The following RALGPS2 variants were observed in gnomAD, a reference collection of about 807,000 sequenced individuals.
RALGPS2 encodes the protein Ral GEF with PH domain and SH3 binding motif 2.
Under a neutral mutation model 86.8 loss-of-function variants are expected in RALGPS2, and 43 were observed. That is an observed-to-expected ratio of 0.50 (90% CI 0.39 to 0.64). The LOEUF (loss-of-function observed/expected upper bound fraction) is 0.64. Ranked by LOEUF, RALGPS2 falls within the 30% of genes least tolerant of loss-of-function variation. The pLI, the probability that RALGPS2 is intolerant of heterozygous loss-of-function variation, is 0.00. For missense variants in RALGPS2, 536 were observed against 694.6 expected, an observed-to-expected ratio of 0.77 and a Z score of 2.57; for synonymous variants, 243 against 231.3, an observed-to-expected ratio of 1.05 and a Z score of -0.46.
At chr1:178,782,349 C>T (rs72705198) in intron 2 of RALGPS2, among the ~76,000 whole-genome samples, 5,250 of 152,252 alleles carry the variant, frequency 0.034, 114 homozygotes, top group Non-Finnish European at 0.05. Flanking sequence ...TTCACTTCTG[C>T]TTCTAGCAGG....
intron 1 of RALGPS2, among the ~76,000 whole-genome samples, chr1:178,760,727 C>T (rs1465631236): frequency 6.6e-6 from 1 of 152,034 alleles, no homozygotes; most frequent in East Asian, 1.9e-4. Flanking sequence ...AGATTATTTC[C>T]TTAGCATTGA....
chr1:178,839,024 A>G (rs1656439182), intron 8 of RALGPS2, among the ~76,000 whole-genome samples: 1 of 152,226 alleles, frequency 6.6e-6, no homozygotes, highest in Non-Finnish European at 1.5e-5. Context: ...AAAAGACCAA[A>G]CCTGCGTCTG....
At chr1:178,739,542 T>G (rs568133883) in intron 1 of RALGPS2, among the ~76,000 whole-genome samples, 9 of 152,316 alleles carry the variant, frequency 5.9e-5, no homozygotes, top group South Asian at 2.1e-4. Flanking sequence ...GAACTAGGTG[T>G]TGTTGGCACG....
rs1358671526 is a variant in RALGPS2, at chr1:178,784,419, A to G, written c.59A>G (p.Lys20Arg). Residue 20 changes from lysine (K) to arginine (R), a missense_variant and splice_region_variant, in exon 3 of 20, where the codon AAA (lysine) becomes AGA (arginine). Around this residue, in one of 3 missense-constraint regions of RALGPS2, gnomAD observed 43 missense variants for 34.9 expected, o/e 1.23. Transcript: ENST00000367635. ...SVNIAATASE[K>R]SSSSESLSDK... is the part of the protein sequence containing the mutation. ...CTGCATTTTCTTTCACTTTAACAGA[A>G]AAGTAGCAGCTCTGAATCCTTAAGT... 6.3e-7 allele frequency: 1 copy of G among 1,594,840 alleles called. No homozygotes were observed. Among genetic ancestry groups the G allele is most frequent in the Non-Finnish European group, 8.6e-7 (1 of 1,167,820 alleles).
chr1:178,882,840 A>G (rs1159527305), intron 10 of RALGPS2, among the ~76,000 whole-genome samples: 1 of 152,182 alleles, frequency 6.6e-6, no homozygotes, highest in African/African-American at 2.4e-5. Context: ...TGCAAACAAC[A>G]TTTTTATTTG....
chr1:178,861,953 A>G (rs967330974), intron 8 of RALGPS2, among the ~76,000 whole-genome samples: 1 of 151,604 alleles, frequency 6.6e-6, no homozygotes, highest in Non-Finnish European at 1.5e-5. Flanking sequence ...GCTCACTGCA[A>G]CCTCCGCCCC....
At chr1:178,771,788 A>G (rs979555969) in intron 1 of RALGPS2, among the ~76,000 whole-genome samples, 8 of 152,182 alleles carry the variant, frequency 5.3e-5, no homozygotes, top group African/African-American at 1.7e-4. Flanking sequence ...AAAAAGGACT[A>G]TACCTTAAAT....
At chr1:178,881,828 G>T (rs762429101) in intron 10 of RALGPS2, among the ~76,000 whole-genome samples, 52 of 152,060 alleles carry the variant, frequency 3.4e-4, no homozygotes, top group Non-Finnish European at 6.5e-4. Context: ...AGCATTTTAA[G>T]ATGTCATTAA....
chr1:178,735,750 A>G (rs1650657057), intron 1 of RALGPS2, among the ~76,000 whole-genome samples: 1 of 151,756 alleles, frequency 6.6e-6, no homozygotes, highest in Admixed American at 6.6e-5. Flanking sequence ...AAAAAATGAA[A>G]CCATAAAAAA....
chr1:178,806,599 T>G (rs1018460056), intron 4 of RALGPS2, among the ~76,000 whole-genome samples: 27 of 152,286 alleles, frequency 1.8e-4, no homozygotes, highest in African/African-American at 5.8e-4. Context: ...CAAATTTCTC[T>G]TATATTTTTT....
At chr1:178,786,967 C>T (rs763294365) in intron 4 of RALGPS2, among the ~76,000 whole-genome samples, 5 of 151,964 alleles carry the variant, frequency 3.3e-5, no homozygotes, top group Non-Finnish European at 7.4e-5. Flanking sequence ...CAGTTCCCAT[C>T]ATTTCCACAA....
At chr1:178,868,126 T>C (rs1658533945) in intron 8 of RALGPS2, among the ~76,000 whole-genome samples, 1 of 152,024 alleles carries the variant, frequency 6.6e-6, no homozygotes, top group South Asian at 2.1e-4. Context: ...TAGCTTTTTA[T>C]GTTTTCATAC....
chr1:178,869,028 C>G (rs1558162245), intron 8 of RALGPS2: 1 of 151,932 alleles, frequency 6.6e-6, no homozygotes, highest in East Asian at 1.9e-4. Context: ...ATCCATAAAT[C>G]TATGTTACCT....
chr1:178,851,893 G>A (rs1024000769), intron 8 of RALGPS2, among the ~76,000 whole-genome samples: 2 of 152,144 alleles, frequency 1.3e-5, no homozygotes, highest in Non-Finnish European at 2.9e-5. Context: ...GTTGGGTGGA[G>A]GGGAGGAGGG....
chr1:178,791,097 G>A (rs1653929332), intron 4 of RALGPS2, among the ~76,000 whole-genome samples: 1 of 151,952 alleles, frequency 6.6e-6, no homozygotes, highest in Non-Finnish European at 1.5e-5. Flanking sequence ...TTATAAAACT[G>A]TTTAAAAGAT....
chr1:178,885,033 A>C (rs529605310), intron 11 of RALGPS2, 43 bp from the exon 12 acceptor site: 2 of 1,517,322 alleles, frequency 1.3e-6, no homozygotes, highest in East Asian at 2.3e-5. Flanking sequence ...GGGACTGAAA[A>C]ATAAAGTAAT....
chr1:178,794,161 G>T (rs1654084803), intron 4 of RALGPS2, among the ~76,000 whole-genome samples: 1 of 152,048 alleles, frequency 6.6e-6, no homozygotes, highest in Non-Finnish European at 1.5e-5. Context: ...CTGTTGCCCA[G>T]GCTGGGGAGC....
intron 12 of RALGPS2, 86 bp downstream of exon 12, chr1:178,885,297 T>G: frequency 7.7e-7 from 1 of 1,296,216 alleles, no homozygotes; most frequent in Admixed American, 2.7e-5. Flanking sequence ...TAGAAAATGG[T>G]ATCCTTGAAT....
rs551634791 is a variant in RALGPS2 at position 178,852,952 on chromosome 1, T to C, written c.607+19402T>C. 2.4e-5 allele frequency: 39 copies of C among 1,606,270 alleles called. No individual in the cohort carries two copies. The highest frequency in any genetic ancestry group is 1.2e-4 in the Admixed American group (7 of 58,438). ...TTCTCCGTCAATGTTTCCAAACCCT[T>C]TCTGTTAATAAGTGAAGAAACATGA... is the stretch of plus-strand genomic sequence containing the variant. On this transcript the variant is annotated intron_variant, in intron 8 of 19. Coordinates refer to ENST00000367635, the MANE Select transcript of RALGPS2 (RefSeq NM_152663.5).
Sources: allele counts gnomAD v4.1 joint callset (sites outside exome capture counted in the v4.1 genomes callset), GRCh38; gene constraint gnomAD v4.1.1; regional missense constraint gnomAD v4.1.1; transcripts MANE v1.5; gene names NCBI Gene and HGNC (gene_info 2026-07-23, HGNC 2026-07-21).